The following RHOH variants were observed in gnomAD, a reference collection of about 807,000 sequenced individuals.
RHOH encodes the protein rho-related GTP-binding protein RhoH.
In RHOH, 6 loss-of-function variants were observed where a neutral mutation model predicts 13.8. That is an observed-to-expected ratio of 0.44 (90% CI 0.24 to 0.86). The LOEUF (loss-of-function observed/expected upper bound fraction) is 0.86, where lower values mean the gene tolerates loss of function less well. RHOH is among the 40% of genes least tolerant of loss of function. The pLI, the probability that RHOH is intolerant of heterozygous loss-of-function variation, is 0.24. For synonymous variants in RHOH, 117 were observed against 103.0 expected (o/e 1.14, Z -0.82); for missense variants, 147 against 244.5 (o/e 0.60, Z 2.66).
At chr4:40,235,670 C>A (rs1471070685) in intron 1 of RHOH, among the ~76,000 whole-genome samples, 2 of 147,554 alleles carry the variant, frequency 1.4e-5, no homozygotes, top group African/African-American at 5.0e-5. Flanking sequence ...GGAGTAGAGA[C>A]CTGGTCTGAA....
chr4:40,226,412 G>C (rs566642854), intron 1 of RHOH, among the ~76,000 whole-genome samples: 95 of 151,884 alleles, frequency 6.3e-4, no homozygotes, highest in Middle Eastern at 3.4e-3. Context: ...TGTTATTCCA[G>C]CTACTTGGGA....
intron 1 of RHOH, among the ~76,000 whole-genome samples, chr4:40,220,683 T>C (rs6531763): frequency 0.64 from 96,813 of 152,104 alleles, 31,632 homozygotes; most frequent in Non-Finnish European, 0.7. Flanking sequence ...TCTGCCCCAT[T>C]AGGCTCCTTA....
intron 1 of RHOH, among the ~76,000 whole-genome samples, chr4:40,202,582 A>G (rs776925349): frequency 6.6e-6 from 1 of 152,176 alleles, no homozygotes; most frequent in Non-Finnish European, 1.5e-5. Context: ...TTTACCTTTA[A>G]CCGGTAGATG....
At chr4:40,229,984 A>T (rs960382552) in intron 1 of RHOH, among the ~76,000 whole-genome samples, 2 of 152,230 alleles carry the variant, frequency 1.3e-5, no homozygotes, top group African/African-American at 4.8e-5. Flanking sequence ...AATAGTTCTT[A>T]AATGTCATCT....
rs62303872 is a variant in RHOH, at chr4:40,246,453, G to A, written c.*2491G>A. The A allele has an allele frequency of 6.6e-6, 1 of 151,620 alleles. No homozygotes were observed. Among genetic ancestry groups the A allele is most frequent in the African/African-American group, 2.4e-5 (1 of 41,458 alleles). 9.4% of individuals were successfully genotyped at this position (151,620 alleles called of 1,614,324 possible). ...ACAGGTGAGACCTCCACCTGTTGGCGGGAGCCAAGCTTAACAGCTCCGTCT... is the reference window on the plus strand; with the variant it reads ...ACAGGTGAGACCTCCACCTGTTGGCAGGAGCCAAGCTTAACAGCTCCGTCT... On this transcript the variant is annotated 3_prime_UTR_variant, in exon 3 of 3. Transcript: ENST00000381799.
At chr4:40,241,995 T>C (rs1729312494) in intron 1 of RHOH, among the ~76,000 whole-genome samples, 1 of 152,240 alleles carries the variant, frequency 6.6e-6, no homozygotes, top group Admixed American at 6.5e-5. Flanking sequence ...TGCTTTGTAT[T>C]GCCCTGCATG....
intron 1 of RHOH, among the ~76,000 whole-genome samples, chr4:40,211,448 A>G (rs1053073864): frequency 4.6e-5 from 7 of 151,964 alleles, no homozygotes; most frequent in African/African-American, 1.2e-4. Context: ...TTGTTGTTGT[A>G]TTTTTAGCAG....
chr4:40,226,041 G>T (rs564739589), intron 1 of RHOH, among the ~76,000 whole-genome samples: 3 of 152,120 alleles, frequency 2.0e-5, no homozygotes, highest in Non-Finnish European at 4.4e-5. Context: ...TTCAAACAGC[G>T]TCTGGCAAAT....
At chr4:40,226,793 A>G (rs1336231881) in intron 1 of RHOH, among the ~76,000 whole-genome samples, 1 of 152,212 alleles carries the variant, frequency 6.6e-6, no homozygotes, top group East Asian at 1.9e-4. Context: ...TTTCTCCTAA[A>G]AAGAGATGAT....
intron 1 of RHOH, among the ~76,000 whole-genome samples, 172 bp downstream of exon 1, chr4:40,197,472 A>G (rs2109340930): frequency 6.6e-6 from 1 of 152,266 alleles, no homozygotes; most frequent in Admixed American, 6.5e-5. Flanking sequence ...TTGCTTTGAT[A>G]TTCACTGCCC....
intron 1 of RHOH, among the ~76,000 whole-genome samples, chr4:40,236,822 G>T (rs913980598): frequency 6.6e-6 from 1 of 151,518 alleles, no homozygotes; most frequent in Non-Finnish European, 1.5e-5. Flanking sequence ...TATACCTTAC[G>T]TATATAAAGT....
At chr4:40,214,202 G>A (rs1413531992) in intron 1 of RHOH, among the ~76,000 whole-genome samples, 1 of 152,214 alleles carries the variant, frequency 6.6e-6, no homozygotes, top group Non-Finnish European at 1.5e-5. Context: ...AGGCGGGGCG[G>A]AAGGAAGCTT....
At chr4:40,212,999 T>C (rs945721112) in intron 1 of RHOH, among the ~76,000 whole-genome samples, 2 of 152,200 alleles carry the variant, frequency 1.3e-5, no homozygotes, top group Non-Finnish European at 2.9e-5. Context: ...ACGTGTGCTG[T>C]GGGGATCTTA....
rs765771764 is a variant in RHOH, at chr4:40,246,448, TTGGC to T, written c.*2487_*2490del. The stretch of plus-strand genomic sequence containing the variant: ...GACACACAGGTGAGACCTCCACCTG[TTGGC>T]GGGAGCCAAGCTTAACAGCTCCGTC... On this transcript the variant is annotated 3_prime_UTR_variant, in exon 3 of 3. Transcript: ENST00000381799. The T allele has an allele frequency of 0.47, 70,876 of 151,542 alleles. 18,493 individuals are homozygous for T. Among genetic ancestry groups the T allele is most frequent in the Non-Finnish European group, 0.59 (39,636 of 67,654 alleles). 9.4% of individuals were successfully genotyped at this position (151,542 alleles called of 1,614,324 possible).
intron 1 of RHOH, among the ~76,000 whole-genome samples, chr4:40,235,742 G>A (rs538947814): frequency 6.6e-6 from 1 of 152,162 alleles, no homozygotes; most frequent in African/African-American, 2.4e-5. Flanking sequence ...GGGAGGCTGA[G>A]GCAAGAGGAT....
In RHOH at chr4:40,243,863, A is replaced by G. The variant is rs199836745; in HGVS notation, c.477A>G (p.Val159=). Residue 159 remains valine, a synonymous_variant, in exon 3 of 3, where the codon GTA becomes GTG. Coordinates refer to ENST00000381799, the MANE Select transcript of RHOH (RefSeq NM_004310.5). The surrounding 1 kb of genome is among the most constrained non-coding windows in gnomAD (Gnocchi z 6.2). ...LECSALSNRG[V]QQVFECAVRT... is the part of the protein sequence containing the mutation. ...GCTCAGCCCTTAGCAATCGGGGAGT[A>G]CAGCAGGTGTTTGAGTGCGCCGTCC... is the stretch of plus-strand genomic sequence containing the variant. 4 of 1,614,180 alleles carry G rather than the reference A, an allele frequency of 2.5e-6. No homozygotes were observed. Among genetic ancestry groups the G allele is most frequent in the Non-Finnish European group, 8.5e-7 (1 of 1,180,004 alleles).
chr4:40,233,238 A>C (rs776738157), intron 1 of RHOH, among the ~76,000 whole-genome samples: 1 of 152,200 alleles, frequency 6.6e-6, no homozygotes, highest in Non-Finnish European at 1.5e-5. Flanking sequence ...AATTTTTATT[A>C]TTAAAAATAA....
chr4:40,191,647 C>CT (rs1722714235), upstream of RHOH, among the ~76,000 whole-genome samples: 4 of 152,220 alleles, frequency 2.6e-5, no homozygotes, highest in Admixed American at 2.6e-4. Flanking sequence ...CAACAAGACT[C>CT]TGTCTTCTTA....
chr4:40,214,734 C>T (rs1579269022), intron 1 of RHOH, among the ~76,000 whole-genome samples: 1 of 152,208 alleles, frequency 6.6e-6, no homozygotes, highest in East Asian at 1.9e-4. Flanking sequence ...AGAACCTTGG[C>T]TAATGGACTT....
Sources: gnomAD v4.1 joint callset for allele counts (sites outside exome capture counted in the v4.1 genomes callset) on GRCh38, gnomAD v4.1.1 for gene constraint, Gnocchi (gnomAD v3.1) non-coding constraint, MANE v1.5 for transcripts, NCBI Gene and HGNC (gene_info 2026-07-23, HGNC 2026-07-21) for gene names.